TAFA2: variants seen among roughly 807,000 people sequenced by gnomAD.
TAFA2 encodes chemokine-like protein TAFA-2.
A neutral mutation model predicts 18.8 loss-of-function variants in TAFA2; 7 were observed. The observed-to-expected ratio is 0.37, with a 90% CI of 0.21 to 0.70. The LOEUF is 0.70. Ranked by LOEUF, TAFA2 falls within the 30% of genes least tolerant of loss-of-function variation. TAFA2 has a pLI of 0.53. For synonymous variants in TAFA2, 60 were observed against 54.2 expected (o/e 1.11, Z -0.47); for missense variants, 122 against 158.1 (o/e 0.77, Z 1.23).
chr12:61,855,722 T>C (rs1592437554), intron 2 of TAFA2, among the ~76,000 whole-genome samples: 1 of 152,030 alleles, frequency 6.6e-6, no homozygotes, highest in East Asian at 1.9e-4. Context: ...ATCACATTAG[T>C]AGAAATAAAG....
At chr12:62,007,599 T>C (rs898518211) in intron 1 of TAFA2, among the ~76,000 whole-genome samples, 4 of 152,160 alleles carry the variant, frequency 2.6e-5, no homozygotes, top group Non-Finnish European at 4.4e-5. Context: ...CAGGGCCCCA[T>C]TCTGTAATTT....
At chr12:62,242,305 A>C (rs554230341) in intron 1 of TAFA2, 2 of 152,360 alleles carry the variant, frequency 1.3e-5, no homozygotes, top group East Asian at 3.9e-4. Flanking sequence ...AAAATTAAAA[A>C]TCAAGCAATT....
At chr12:61,813,367 T>A (rs560973585) in intron 2 of TAFA2, among the ~76,000 whole-genome samples, 30 of 151,504 alleles carry the variant, frequency 2.0e-4, no homozygotes, top group Non-Finnish European at 4.0e-4. Context: ...TTTGAAGACT[T>A]AATCTATATA....
At chr12:61,725,483 G>T (rs1870119100) in intron 4 of TAFA2, among the ~76,000 whole-genome samples, 1 of 152,014 alleles carries the variant, frequency 6.6e-6, no homozygotes, top group Admixed American at 6.6e-5. Flanking sequence ...TGAGGATCCA[G>T]CTTCATTCTT....
At chr12:61,874,967 G>A (rs567169054) in intron 1 of TAFA2, among the ~76,000 whole-genome samples, 2 of 152,104 alleles carry the variant, frequency 1.3e-5, no homozygotes, top group South Asian at 2.1e-4. Context: ...AAAGAAAGAT[G>A]TGAAAAATCA....
intron 1 of TAFA2, among the ~76,000 whole-genome samples, chr12:61,918,614 C>T (rs1313239580): frequency 6.6e-6 from 1 of 152,182 alleles, no homozygotes; most frequent in African/African-American, 2.4e-5. Flanking sequence ...CTGCCATAAA[C>T]ATGGCAGTAC....
chr12:61,894,912 G>C (rs932752235), intron 1 of TAFA2, among the ~76,000 whole-genome samples: 1 of 152,196 alleles, frequency 6.6e-6, no homozygotes, highest in African/African-American at 2.4e-5. Context: ...ATGTGGTTAT[G>C]TATCGATTTA....
At chr12:61,805,885 T>A in intron 2 of TAFA2, among the ~76,000 whole-genome samples, 1 of 152,162 alleles carries the variant, frequency 6.6e-6, no homozygotes, top group East Asian at 1.9e-4. Flanking sequence ...ATTAACAAAT[T>A]AAACTAATAA....
rs192657619 is a variant in TAFA2 at position 61,807,822 on chromosome 12, T to C, written c.107-52798A>G. On this transcript the variant is annotated intron_variant, in intron 2 of 4. Transcript: ENST00000416284. ...GACTTGCATGGGGCCTGTAGCCCCT[T>C]TGTTTTGGCCAATTTCTCACATTTG... Among the ~76,000 whole-genome samples the C allele has an allele frequency of 2.6e-3, 390 of 151,540 alleles. 4 individuals carry two copies. Among genetic ancestry groups the C allele is most frequent in the Middle Eastern group, 0.01 (3 of 294 alleles).
At chr12:62,080,263 A>G (rs1868298617) in intron 1 of TAFA2, among the ~76,000 whole-genome samples, 1 of 152,216 alleles carries the variant, frequency 6.6e-6, no homozygotes, top group African/African-American at 2.4e-5. Flanking sequence ...TTTCTCCAGG[A>G]AATGCCCAGT....
At chr12:61,943,681 T>C (rs1878138595) in intron 1 of TAFA2, among the ~76,000 whole-genome samples, 1 of 152,002 alleles carries the variant, frequency 6.6e-6, no homozygotes, top group Non-Finnish European at 1.5e-5. Flanking sequence ...AGACTTTAAA[T>C]CAACAAAGAT....
intron 1 of TAFA2, 141 bp from the exon 2 acceptor site, chr12:61,867,567 T>C (rs1874413715): frequency 3.4e-6 from 2 of 592,324 alleles, no homozygotes; most frequent in African/African-American, 1.9e-5. Flanking sequence ...TAAAATGCTG[T>C]TCACTGTATA....
At chr12:62,254,333 G>A (rs910943299) in intron 1 of TAFA2, among the ~76,000 whole-genome samples, 6 of 152,094 alleles carry the variant, frequency 3.9e-5, no homozygotes, top group African/African-American at 1.2e-4. Context: ...TTTTACAGAT[G>A]AGAAAACTAA....
chr12:61,853,565 T>C (rs1469499246), intron 2 of TAFA2, among the ~76,000 whole-genome samples: 1 of 152,124 alleles, frequency 6.6e-6, no homozygotes, highest in East Asian at 1.9e-4. Context: ...AGAATTATCA[T>C]AAGGATGGCA....
intron 1 of TAFA2, among the ~76,000 whole-genome samples, chr12:61,901,619 A>C (rs1471283050): frequency 6.6e-6 from 1 of 152,034 alleles, no homozygotes; most frequent in Admixed American, 6.6e-5. Context: ...TCCAGAAGCC[A>C]TTTGAAGAAA....
At chr12:62,055,854 A>AGT (rs1376509883) in intron 1 of TAFA2, among the ~76,000 whole-genome samples, 2 of 152,116 alleles carry the variant, frequency 1.3e-5, no homozygotes, top group Non-Finnish European at 2.9e-5. Flanking sequence ...TAGTTACATG[A>AGT]GTGTGTGTGT....
At chr12:61,843,715 T>C (rs1205027627) in intron 2 of TAFA2, among the ~76,000 whole-genome samples, 1 of 152,132 alleles carries the variant, frequency 6.6e-6, no homozygotes, top group African/African-American at 2.4e-5. Flanking sequence ...TGGAAGTAGA[T>C]TCATATATAC....
chr12:61,858,442 TTTA>T (rs1166629291), intron 2 of TAFA2, among the ~76,000 whole-genome samples: 5 of 152,086 alleles, frequency 3.3e-5, no homozygotes. Context: ...AAAATTATTT[TTTA>T]TTATTATTAT....
At chr12:62,229,830 T>G (rs533009087) in intron 1 of TAFA2, among the ~76,000 whole-genome samples, 1 of 152,096 alleles carries the variant, frequency 6.6e-6, no homozygotes, top group South Asian at 2.1e-4. Flanking sequence ...AGAAGTGAAG[T>G]CATCGTGTCC....
Sources: allele counts gnomAD v4.1 joint callset (sites outside exome capture counted in the v4.1 genomes callset), GRCh38; gene constraint gnomAD v4.1.1; transcripts MANE v1.5; gene names NCBI Gene and HGNC (gene_info 2026-07-23, HGNC 2026-07-21).